The following EFHC1 variants were observed in gnomAD, a reference collection of about 807,000 sequenced individuals.
The protein encoded by EFHC1 is EF-hand domain-containing protein 1.
A neutral mutation model predicts 69.9 loss-of-function variants in EFHC1; 53 were observed. The ratio of observed to expected loss-of-function variants is 0.76; its 90% CI spans 0.61 to 0.95. The LOEUF (loss-of-function observed/expected upper bound fraction) is 0.95, where lower values mean the gene tolerates loss of function less well. Ranked by LOEUF, EFHC1 falls within the 40% of genes least tolerant of loss-of-function variation. EFHC1 has a pLI of 0.00. For synonymous variants in EFHC1, 256 were observed against 278.4 expected (o/e 0.92, Z 0.80); for missense variants, 739 against 798.7 (o/e 0.93, Z 0.90).
chr6:52,467,990 T>C (rs1332712588), intron 6 of EFHC1, among the ~76,000 whole-genome samples: 3 of 152,086 alleles, frequency 2.0e-5, no homozygotes. Context: ...AGATACGAAA[T>C]GGATATATTC....
chr6:52,434,899 A>G (rs909171167), intron 2 of EFHC1, among the ~76,000 whole-genome samples: 2 of 150,358 alleles, frequency 1.3e-5, no homozygotes, highest in Non-Finnish European at 2.9e-5. Context: ...ATATATATAT[A>G]TATACATACA....
chr6:52,486,085 G>A (rs1765780302), intron 9 of EFHC1: 2 of 152,132 alleles, frequency 1.3e-5, no homozygotes, highest in Admixed American at 6.5e-5. Context: ...AAAGAATCGC[G>A]ATCTAAGGAA....
Position 52,493,854 on chromosome 6 carries a change from T to C in EFHC1, c.*1513T>C. The stretch of plus-strand genomic sequence containing the variant: ...TTCCCCGAAGCCACCCAAAATGTGG[T>C]ATGAATGAGGATAGAGTTACACAGA... On this transcript the variant is annotated 3_prime_UTR_variant, in exon 11 of 11. Coordinates refer to ENST00000371068, the MANE Select transcript of EFHC1 (RefSeq NM_018100.4). 2.2e-6 allele frequency: 1 copy of C among 454,076 alleles called. No individual in the cohort carries two copies. The highest frequency in any genetic ancestry group is 4.4e-6 in the Non-Finnish European group (1 of 226,784). The allele number at this position is 454,076 out of a possible 1,614,324, so 28.1% of individuals were successfully genotyped here. A position where few individuals can be genotyped will look rare whatever the true frequency, so the allele number is the denominator to read the frequency against.
intron 3 of EFHC1, among the ~76,000 whole-genome samples, chr6:52,445,204 C>T (rs2113985789): frequency 6.6e-6 from 1 of 150,850 alleles, no homozygotes; most frequent in South Asian, 2.1e-4. Flanking sequence ...CTTTATTAGT[C>T]TTGCTAGCGG....
intron 9 of EFHC1, chr6:52,489,530 G>T (rs1014194851): frequency 6.5e-6 from 1 of 153,506 alleles, no homozygotes; most frequent in African/African-American, 2.4e-5. Flanking sequence ...TTTTTTGAAG[G>T]GTTAGACCTC....
intron 2 of EFHC1, among the ~76,000 whole-genome samples, chr6:52,431,693 T>C (rs1351539381): frequency 2.6e-5 from 4 of 152,190 alleles, no homozygotes; most frequent in Non-Finnish European, 1.5e-5. Context: ...TTGGGTAGAA[T>C]GTTTTGTAAA....
chr6:52,482,299 C>A (rs551176510), intron 9 of EFHC1: 1 of 151,486 alleles, frequency 6.6e-6, no homozygotes. Flanking sequence ...GCCAAGATTG[C>A]GCCACTGCAC....
At chr6:52,421,609 C>G (rs1459082030) in intron 1 of EFHC1, among the ~76,000 whole-genome samples, 1 of 152,132 alleles carries the variant, frequency 6.6e-6, no homozygotes, top group African/African-American at 2.4e-5. Flanking sequence ...TAAACTCTTG[C>G]CTTCCTCTCC....
rs931302829 is a variant in EFHC1, at chr6:52,479,122, C to G, written c.1364C>G (p.Pro455Arg). The G allele has an allele frequency of 3.7e-6, 6 of 1,614,022 alleles. No homozygotes were observed. In the African/African-American group the frequency reaches 8.0e-5, roughly 22 times the overall value. Residue 455 changes from proline (P) to arginine (R), a missense_variant, in exon 8 of 11, where the codon CCT becomes CGT. Coordinates refer to ENST00000371068, the MANE Select transcript of EFHC1 (RefSeq NM_018100.4). ...GACATGATCAGTATCTTTGAGCCTC[C>G]TGTTCGCAATTCTGGTATCATTGGG... ...ATDMISIFEP[P>R]VRNSGIIGGK...
rs1348952986 is a variant in EFHC1, at chr6:52,464,878, A to G, written c.917-17A>G. On this transcript the variant is annotated splice_polypyrimidine_tract_variant and intron_variant, in intron 5 of 10. Transcript: ENST00000371068. ...CTCATTCCTTCTTTTTTTCTCTCTAACACCATCTTATATTAGAGAACTTCC... is the reference window on the plus strand; with the variant it reads ...CTCATTCCTTCTTTTTTTCTCTCTAGCACCATCTTATATTAGAGAACTTCC... 6.2e-7 allele frequency: 1 copy of G among 1,607,678 alleles called. No homozygotes were observed. The highest frequency in any genetic ancestry group is 2.2e-5 in the East Asian group (1 of 44,840).
At chr6:52,481,831 G>A (rs145301806) in intron 9 of EFHC1, 2 of 152,184 alleles carry the variant, frequency 1.3e-5, no homozygotes, top group African/African-American at 4.8e-5. Flanking sequence ...CTCTAAAGGA[G>A]TTAATGTAGC....
At position 52,452,786 on chromosome 6, in the gene EFHC1, C is replaced by T. The variant is rs1286538717; in HGVS notation, c.672C>T (p.Val224=). 7 of 1,614,072 alleles carry T rather than the reference C, an allele frequency of 4.3e-6. No homozygotes were observed. The highest frequency in any genetic ancestry group is 5.1e-6 in the Non-Finnish European group (6 of 1,179,924). ...GAAAACAGCCTCTTCGTAAGTATGT[C>T]ACCCCATCAGACTTTGATCAACTCA... ...ELRKQPLRKY[V]TPSDFDQLKQ... Residue 224 remains valine, a synonymous_variant, in exon 4 of 11, where the codon GTC becomes GTT. Transcript: ENST00000371068.
In EFHC1 at chr6:52,496,344, C is replaced by G. The variant is rs571639030; in HGVS notation, c.*4003C>G. 6.6e-6 allele frequency: 1 copy of G among 152,304 alleles called. No homozygotes were observed. The highest frequency in any genetic ancestry group is 1.5e-5 in the Non-Finnish European group (1 of 68,166). 9.4% of individuals were successfully genotyped at this position (152,304 alleles called of 1,614,324 possible). ...GGCTTTGGGACTAATAAAAATCTGC[C>G]TTGCGGGTAAAGATGGGCTGTGAGT... On this transcript the variant is annotated 3_prime_UTR_variant, in exon 11 of 11. Coordinates refer to ENST00000371068, the MANE Select transcript of EFHC1 (RefSeq NM_018100.4).
chr6:52,489,719 G>A (rs879533371), intron 9 of EFHC1, among the ~76,000 whole-genome samples: 2 of 152,186 alleles, frequency 1.3e-5, no homozygotes, highest in African/African-American at 2.4e-5. Context: ...CTTGGCTACA[G>A]ATCTATAGCT....
At chr6:52,438,774 A>C (rs753632594) in intron 3 of EFHC1, among the ~76,000 whole-genome samples, 183 bp downstream of exon 3, 6 of 152,126 alleles carry the variant, frequency 3.9e-5, no homozygotes, top group Admixed American at 1.3e-4. Flanking sequence ...TAGTAACATA[A>C]TTTTTTCAGA....
At position 52,496,352 on chromosome 6, in the gene EFHC1, TA is replaced by T. The variant is rs1383232971; in HGVS notation, c.*4014del. 1 of 152,206 alleles carries T rather than the reference TA, an allele frequency of 6.6e-6. No homozygotes were observed. Among genetic ancestry groups the T allele is most frequent in the African/African-American group, 2.4e-5 (1 of 41,382 alleles). 9.4% of individuals were successfully genotyped at this position (152,206 alleles called of 1,614,324 possible). On this transcript the variant is annotated 3_prime_UTR_variant, in exon 11 of 11. Transcript: ENST00000371068. ...GACTAATAAAAATCTGCCTTGCGGG[TA>T]AAGATGGGCTGTGAGTTAGCCACTA...
chr6:52,450,245 A>G lies in EFHC1; in HGVS notation c.574-2443A>G, dbSNP rs193034108. ...TTGATTATGTGGTCGATTTTAGAAT[A>G]TGTGCCATGTGGTGATGAGAATAAC... On this transcript the variant is annotated intron_variant, in intron 3 of 10. Coordinates refer to ENST00000371068, the MANE Select transcript of EFHC1 (RefSeq NM_018100.4). 5.8e-3 allele frequency among the ~76,000 whole-genome samples: 884 copies of G among 152,270 alleles called. 16 individuals are homozygous for G. The highest frequency in any genetic ancestry group is 0.02 in the African/African-American group (812 of 41,540).
In EFHC1 at chr6:52,459,919, C is replaced by A. The variant is rs944138897; in HGVS notation, c.917-4976C>A. On this transcript the variant is annotated intron_variant, in intron 5 of 10. Transcript: ENST00000371068. ...TCGATCTCCTGACCTCGTGATCCAC[C>A]CGCCTCGGCCTCCCAAAGTAATCTG... Among the ~76,000 whole-genome samples, 7 of 152,190 alleles carry A rather than the reference C, an allele frequency of 4.6e-5. No individual in the cohort carries two copies. The East Asian group carries it at 9.6e-4, about 21-fold the overall frequency.
intron 3 of EFHC1, among the ~76,000 whole-genome samples, chr6:52,448,946 T>C (rs1004394452): frequency 2.6e-5 from 4 of 152,252 alleles, no homozygotes; most frequent in African/African-American, 4.8e-5. Flanking sequence ...TTTGCATTGA[T>C]GTTCATCAAA....
Sources: gnomAD v4.1 joint callset for allele counts (sites outside exome capture counted in the v4.1 genomes callset) on GRCh38, gnomAD v4.1.1 for gene constraint, MANE v1.5 for transcripts, NCBI Gene and HGNC (gene_info 2026-07-23, HGNC 2026-07-21) for gene names.